RAPGEF4: variants seen among roughly 807,000 people sequenced by gnomAD.
The protein encoded by RAPGEF4 is RAP guanine-nucleotide-exchange factor (GEF) 4.
Under a neutral mutation model 147.9 loss-of-function variants are expected in RAPGEF4, and 66 were observed. The ratio of observed to expected loss-of-function variants is 0.45; its 90% CI spans 0.37 to 0.55. The LOEUF (loss-of-function observed/expected upper bound fraction) is 0.55, where lower values mean the gene tolerates loss of function less well. RAPGEF4 is among the 20% of genes least tolerant of loss of function. The pLI, the probability that RAPGEF4 is intolerant of heterozygous loss-of-function variation, is 0.00. For missense variants in RAPGEF4, 1,071 were observed against 1,257.3 expected (o/e 0.85, Z 2.24); for synonymous variants, 419 against 442.7 (o/e 0.95, Z 0.67).
In RAPGEF4 at chr2:172,944,450, G is replaced by A. The variant is rs887553530; in HGVS notation, c.538-16310G>A. On this transcript the variant is annotated intron_variant, in intron 6 of 30. Coordinates refer to ENST00000397081, the MANE Select transcript of RAPGEF4 (RefSeq NM_007023.4). ...GCAGTGGAGTCCTCTTATTATCTTGGGCAAGTGCCCAGGGTGAGCCTGTGT... is the reference window on the plus strand; with the variant it reads ...GCAGTGGAGTCCTCTTATTATCTTGAGCAAGTGCCCAGGGTGAGCCTGTGT... Among the ~76,000 whole-genome samples, 27 of 152,192 alleles carry A rather than the reference G, an allele frequency of 1.8e-4. 1 individual carries two copies. Among genetic ancestry groups the A allele is most frequent in the Admixed American group, 3.9e-4 (6 of 15,276 alleles).
chr2:172,936,406 CTGTG>C (rs1481134935), intron 6 of RAPGEF4, among the ~76,000 whole-genome samples: 2 of 152,072 alleles, frequency 1.3e-5, no homozygotes, highest in Non-Finnish European at 2.9e-5. Flanking sequence ...TCCCAGAGCT[CTGTG>C]TGTTTATATA....
chr2:172,985,331 A>T, intron 11 of RAPGEF4, 102 bp from the exon 12 acceptor site: 1 of 1,508,770 alleles, frequency 6.6e-7, no homozygotes, highest in Non-Finnish European at 9.1e-7. Context: ...CTGCATGGGA[A>T]GCCCCGGGAC....
intron 4 of RAPGEF4, among the ~76,000 whole-genome samples, chr2:172,886,012 C>A (rs1697169106): frequency 6.6e-6 from 1 of 152,188 alleles, no homozygotes; most frequent in African/African-American, 2.4e-5. Flanking sequence ...CCTTTCCCTG[C>A]AAGCTGCCTT....
At position 173,014,485 on chromosome 2, in the gene RAPGEF4, A is replaced by G. The variant is rs1302186266; in HGVS notation, c.1680A>G (p.Gln560=). 1.9e-6 allele frequency: 3 copies of G among 1,613,852 alleles called. No individual in the cohort carries two copies. Among genetic ancestry groups the G allele is most frequent in the Non-Finnish European group, 2.5e-6 (3 of 1,179,958 alleles). Residue 560 remains glutamine (Q), a synonymous_variant, in exon 18 of 31, where the codon CAA becomes CAG. Coordinates refer to ENST00000397081, the MANE Select transcript of RAPGEF4 (RefSeq NM_007023.4). ...GCACCTACCACGCACAGCCTTCACAAGGTACAGAACAGGAGAAAATGGATT... is the reference window on the plus strand; with the variant it reads ...GCACCTACCACGCACAGCCTTCACAGGGTACAGAACAGGAGAAAATGGATT... The part of the protein sequence containing the change: ...LVAHYHAQPS[Q]GTEQEKMDYA...
chr2:173,018,625 G>C, intron 21 of RAPGEF4, 31 bp from the exon 22 acceptor site: 1 of 1,590,410 alleles, frequency 6.3e-7, no homozygotes, highest in South Asian at 1.1e-5. Context: ...TCTTAAGAGT[G>C]ATTTACTACC....
Position 172,762,058 on chromosome 2 carries a change from G to T in RAPGEF4, c.65+26010G>T, listed in dbSNP as rs1696400256. Among the ~76,000 whole-genome samples the T allele has an allele frequency of 2.0e-5, 3 of 152,178 alleles. No homozygotes were observed. In the South Asian group the frequency reaches 6.2e-4, roughly 32 times the overall value. Reference sequence around the variant, plus strand: ...AATTGCTTGAACCCAAGAGGCGGAGGTTGCAGTGAGCCAAGATCGTGCCAT... The same window carrying T: ...AATTGCTTGAACCCAAGAGGCGGAGTTTGCAGTGAGCCAAGATCGTGCCAT... On this transcript the variant is annotated intron_variant, in intron 1 of 30. Coordinates refer to ENST00000397081, the MANE Select transcript of RAPGEF4 (RefSeq NM_007023.4).
At chr2:172,848,753 C>A (rs115108505) in intron 4 of RAPGEF4, among the ~76,000 whole-genome samples, 1 of 152,092 alleles carries the variant, frequency 6.6e-6, no homozygotes, top group African/African-American at 2.4e-5. Flanking sequence ...GTGTGAACAG[C>A]CTTCGAGTCC....
rs529564013 is a variant in RAPGEF4 at position 172,997,157 on chromosome 2, G to A, written c.1579+603G>A. 3.9e-5 allele frequency among the ~76,000 whole-genome samples: 6 copies of A among 152,292 alleles called. No individual in the cohort carries two copies. In the South Asian group the frequency reaches 1.2e-3, roughly 32 times the overall value. Reference sequence around the variant, plus strand: ...GGCTGTGAAGGAGAATCTGTTCCATGCCTCTCTCCTAGCCTCCTGTGGTTT... The same window carrying A: ...GGCTGTGAAGGAGAATCTGTTCCATACCTCTCTCCTAGCCTCCTGTGGTTT... On this transcript the variant is annotated intron_variant, in intron 16 of 30. Coordinates refer to ENST00000397081, the MANE Select transcript of RAPGEF4 (RefSeq NM_007023.4).
intron 6 of RAPGEF4, among the ~76,000 whole-genome samples, chr2:172,927,744 A>G (rs973961022): frequency 1.3e-5 from 2 of 152,228 alleles, no homozygotes; most frequent in African/African-American, 4.8e-5. Flanking sequence ...TTTCTGTGGA[A>G]CACAGTTTTT....
At chr2:172,761,403 A>G (rs545805539) in intron 1 of RAPGEF4, among the ~76,000 whole-genome samples, 60 of 152,070 alleles carry the variant, frequency 3.9e-4, no homozygotes, top group African/African-American at 1.4e-3. Context: ...CAGCCTCCCA[A>G]TGTGCTGGGA....
intron 5 of RAPGEF4, among the ~76,000 whole-genome samples, chr2:172,919,675 C>T (rs187058951): frequency 6.6e-6 from 1 of 152,196 alleles, no homozygotes; most frequent in East Asian, 1.9e-4. Context: ...CTTCCAGGGG[C>T]AGCCTAAGTT....
chr2:172,999,627 T>C (rs1693703499), intron 16 of RAPGEF4, among the ~76,000 whole-genome samples: 1 of 152,260 alleles, frequency 6.6e-6, no homozygotes, highest in Non-Finnish European at 1.5e-5. Flanking sequence ...GAAGTGATGT[T>C]TTAAATTAGT....
chr2:172,806,336 A>G (rs1485476679), intron 3 of RAPGEF4, among the ~76,000 whole-genome samples: 1 of 152,190 alleles, frequency 6.6e-6, no homozygotes. Context: ...ACAGATGCCT[A>G]TTGAAAGCAT....
chr2:172,876,357 C>T (rs1365570956), intron 4 of RAPGEF4, among the ~76,000 whole-genome samples: 3 of 152,074 alleles, frequency 2.0e-5, no homozygotes, highest in Non-Finnish European at 4.4e-5. Context: ...CCAGTTTTTG[C>T]CCATTCAGTA....
intron 4 of RAPGEF4, among the ~76,000 whole-genome samples, chr2:172,837,773 A>C (rs1032009431): frequency 3.3e-5 from 5 of 152,148 alleles, no homozygotes; most frequent in African/African-American, 9.7e-5. Context: ...TATGTTGCTC[A>C]GGCTGGTCTC....
chr2:172,821,877 G>A (rs374213818), intron 4 of RAPGEF4: 216 of 1,594,720 alleles, frequency 1.4e-4, no homozygotes, highest in Admixed American at 4.6e-4. Context: ...GGGAATGAAC[G>A]GCAATGAAGG....
intron 1 of RAPGEF4, among the ~76,000 whole-genome samples, chr2:172,739,585 G>C (rs1694125598): frequency 6.6e-6 from 1 of 152,134 alleles, no homozygotes; most frequent in African/African-American, 2.4e-5. Context: ...TGGCCAGGCT[G>C]GTCTTGGACT....
At chr2:172,736,997 T>C (rs1443050747) in intron 1 of RAPGEF4, among the ~76,000 whole-genome samples, 4 of 152,252 alleles carry the variant, frequency 2.6e-5, no homozygotes. Context: ...CTCTGCCATA[T>C]TGAAAAATTT....
chr2:173,039,301 CA>C (rs373066887), intron 29 of RAPGEF4, among the ~76,000 whole-genome samples: 35,329 of 138,670 alleles, frequency 0.25, 4,363 homozygotes, highest in South Asian at 0.35. Context: ...ACTAAAAATA[CA>C]AAAAAAAAAA....
Sources: gnomAD v4.1 joint callset for allele counts (sites outside exome capture counted in the v4.1 genomes callset) on GRCh38, gnomAD v4.1.1 for gene constraint, MANE v1.5 for transcripts, NCBI Gene and HGNC (gene_info 2026-07-23, HGNC 2026-07-21) for gene names.